Variants in SEPTIN4 observed in about 807,000 individuals in gnomAD.
SEPTIN4 encodes septin-4.
In SEPTIN4, 52 loss-of-function variants were observed where a neutral mutation model predicts 107.1. That is an observed-to-expected ratio of 0.49 (90% CI 0.39 to 0.61). The LOEUF is 0.61. Among genes scored for constraint, SEPTIN4 ranks in the 20% least tolerant of loss-of-function variants. The probability of loss-of-function intolerance (pLI) is 0.00; values close to 1 mark genes in which losing one functional copy is unlikely to be tolerated. For synonymous variants in SEPTIN4, 417 were observed against 467.0 expected, an observed-to-expected ratio of 0.89 and a Z score of 1.38; for missense variants, 1,048 against 1,243.5, an observed-to-expected ratio of 0.84 and a Z score of 2.36.
chr17:58,527,905 A>T, intron 3 of SEPTIN4: 1 of 985,720 alleles, frequency 1.0e-6, no homozygotes, highest in Non-Finnish European at 1.2e-6. Context: ...CAGAGAATGG[A>T]CTGACTCCTC....
rs745969403 is a variant in SEPTIN4 at position 58,543,026 on chromosome 17, T to C, written c.1161A>G (p.Gln387=). The C allele has an allele frequency of 1.9e-6, 3 of 1,611,286 alleles. No homozygotes were observed. Among genetic ancestry groups the C allele is most frequent in the Middle Eastern group, 1.7e-4 (1 of 6,048 alleles). Residue 387 remains glutamine, a synonymous_variant, in exon 1 of 14, where the codon CAA becomes CAG. Transcript: ENST00000672673. ...GTTCTGGATACCTGGGTGTAGGTCCTTGGGACATGTAAGTAATTTCTGGGG... is the reference window on the plus strand; with the variant it reads ...GTTCTGGATACCTGGGTGTAGGTCCCTGGGACATGTAAGTAATTTCTGGGG... The part of the protein sequence containing the change: ...QKPPEITYMS[Q]GPTPRYPELS...
chr17:58,520,397 A>C lies in SEPTIN4; in HGVS notation c.*29T>G. ...CGGCATGGACAGGAAGAAGAGGAGGAGATTTAAATATCCAGGGCTGAAAGC... is the reference window on the plus strand; with the variant it reads ...CGGCATGGACAGGAAGAAGAGGAGGCGATTTAAATATCCAGGGCTGAAAGC... On this transcript the variant is annotated 3_prime_UTR_variant, in exon 14 of 14. Transcript: ENST00000672673. 1 of 1,608,582 alleles carries C rather than the reference A, an allele frequency of 6.2e-7. No homozygotes were observed. Among genetic ancestry groups the C allele is most frequent in the South Asian group, 1.1e-5 (1 of 90,790 alleles).
chr17:58,536,509 A>G (rs985674931), intron 3 of SEPTIN4, among the ~76,000 whole-genome samples: 1 of 152,180 alleles, frequency 6.6e-6, no homozygotes, highest in Non-Finnish European at 1.5e-5. Context: ...CTCCAGCTAG[A>G]CACCATCTCT....
At position 58,543,778 on chromosome 17, in the gene SEPTIN4, T is replaced by C. The variant is rs2043951034; in HGVS notation, c.409A>G (p.Ser137Gly). Residue 137 changes from serine (S) to glycine (G), a missense_variant, in exon 1 of 14, where the codon AGC becomes GGC. Around this residue, in one of 2 missense-constraint regions of SEPTIN4, gnomAD observed 787 missense variants for 871.8 expected, o/e 0.90. Transcript: ENST00000672673. The stretch of plus-strand genomic sequence containing the variant: ...TGGCCGACCTCGCGCCCTGACTTGC[T>C]CTCACTGCCTCTTCGTGCTGCTTCC... The part of the protein sequence containing the change: ...REEAARRGSE[S>G]KSGREVGHHA... 1 of 1,614,110 alleles carries C rather than the reference T, an allele frequency of 6.2e-7. No homozygotes were observed. The highest frequency in any genetic ancestry group is 1.7e-5 in the Admixed American group (1 of 60,008).
intron 13 of SEPTIN4, 90 bp downstream of exon 13, chr17:58,520,653 A>G: frequency 6.4e-7 from 1 of 1,568,084 alleles, no homozygotes; most frequent in Non-Finnish European, 8.8e-7. Context: ...AATATGCACC[A>G]GAGCCAGGGA....
At chr17:58,523,735 G>A (rs1023562541) in intron 7 of SEPTIN4, among the ~76,000 whole-genome samples, 1 of 151,784 alleles carries the variant, frequency 6.6e-6, no homozygotes, top group Non-Finnish European at 1.5e-5. Context: ...TTTTGAACAC[G>A]GGGCCCTACA....
chr17:58,541,570 A>G (rs1598321893), intron 2 of SEPTIN4: 1 of 437,080 alleles, frequency 2.3e-6, no homozygotes, highest in East Asian at 4.0e-5. Flanking sequence ...CGTGAAGTCA[A>G]CTCTGAGCAA....
chr17:58,539,075 A>AT (rs1228329587), intron 3 of SEPTIN4: 2 of 1,393,422 alleles, frequency 1.4e-6, no homozygotes, highest in Admixed American at 2.2e-5. Context: ...TCTCTCATGC[A>AT]TTAGAGAGCA....
rs1237625572 is a variant in SEPTIN4 at position 58,538,392 on chromosome 17, G to A, written c.1614+2274C>T. Among the ~76,000 whole-genome samples the A allele has an allele frequency of 1.3e-5, 2 of 152,208 alleles. No homozygotes were observed. Among genetic ancestry groups the A allele is most frequent in the East Asian group, 3.8e-4 (2 of 5,196 alleles). On this transcript the variant is annotated intron_variant, in intron 3 of 13. Coordinates refer to ENST00000672673, the MANE Select transcript of SEPTIN4 (RefSeq NM_001368771.2). The surrounding 1 kb of genome is among the most constrained non-coding windows in gnomAD (Gnocchi z 4.7). The stretch of plus-strand genomic sequence containing the variant: ...GGTTTCTTGCATAATTGATAGAGCA[G>A]AGAGTAAACCACCTTGCCCTATGAC...
At position 58,521,970 on chromosome 17, in the gene SEPTIN4, T is replaced by C. The variant is rs771202213; in HGVS notation, c.2348A>G (p.His783Arg). ...GAGCCTCAGGCTTGGACCATACCCA[T>C]GGCCGAAGGGTGAGATGAAGTACAG... ...CCLYFISPFG[H>R]GLRPLDVEFM... Residue 783 changes from histidine (H) to arginine (R), a missense_variant, in exon 8 of 14, where the codon CAT (histidine) becomes CGT (arginine). Coordinates refer to ENST00000672673, the MANE Select transcript of SEPTIN4 (RefSeq NM_001368771.2). The surrounding 1 kb of genome is among the most constrained non-coding windows in gnomAD (Gnocchi z 6.4). 7 of 1,614,236 alleles carry C rather than the reference T, an allele frequency of 4.3e-6. No individual in the cohort carries two copies. The South Asian group carries it at 7.7e-5, about 18-fold the overall frequency.
chr17:58,521,560 C>T lies in SEPTIN4; in HGVS notation c.2556G>A (p.Gln852=). ...GTGGCCCCACCTTTAGGGCTTGGTC[C>T]TGCAATTTGAAGTCCTCATCCTCAT... ...DSDEDEDFKL[Q]DQALKESIPF... is the part of the protein sequence containing the mutation. Residue 852 remains glutamine (Q), a synonymous_variant, in exon 10 of 14, where the codon CAG becomes CAA. Coordinates refer to ENST00000672673, the MANE Select transcript of SEPTIN4 (RefSeq NM_001368771.2). This position sits in a 1 kb window ranked among gnomAD's most constrained non-coding sequence, Gnocchi z 6.4. The T allele has an allele frequency of 6.2e-7, 1 of 1,614,200 alleles. No homozygotes were observed. The highest frequency in any genetic ancestry group is 8.5e-7 in the Non-Finnish European group (1 of 1,180,040).
At chr17:58,526,577 C>G in intron 4 of SEPTIN4, 105 bp downstream of exon 4, 1 of 964,534 alleles carries the variant, frequency 1.0e-6, no homozygotes. Flanking sequence ...CACACAAACA[C>G]ACACACACAC....
intron 7 of SEPTIN4, among the ~76,000 whole-genome samples, chr17:58,522,566 G>C (rs2042380690): frequency 1.3e-5 from 2 of 151,080 alleles, no homozygotes; most frequent in African/African-American, 4.9e-5. Flanking sequence ...GGAGTCCGAG[G>C]CAGGAGAATC....
intron 1 of SEPTIN4, 51 bp downstream of exon 1, chr17:58,542,575 C>T: frequency 6.4e-7 from 1 of 1,555,364 alleles, no homozygotes; most frequent in East Asian, 2.2e-5. Context: ...ACCCCAACAT[C>T]CCATCTCACT....
chr17:58,529,207 C>G (rs2043243129), intron 3 of SEPTIN4: 2 of 1,614,070 alleles, frequency 1.2e-6, no homozygotes, highest in East Asian at 2.2e-5. Context: ...TCAGAAAGCT[C>G]TAGGTCTAAT....
At position 58,543,184 on chromosome 17, in the gene SEPTIN4, C is replaced by A. The variant is rs563004214; in HGVS notation, c.1003G>T (p.Val335Phe). ...GACTGTACCCCTGGGGAGATGGTGA[C>A]CCTGCGGCCAACCTCGCTGTTTCCT... ...IRGNSEVGRRVTISPGVQSVE... is the reference protein window; with the variant it reads ...IRGNSEVGRRFTISPGVQSVE... Residue 335 changes from valine (V) to phenylalanine (F), a missense_variant, in exon 1 of 14, where the codon GTC (valine) becomes TTC (phenylalanine). Coordinates refer to ENST00000672673, the MANE Select transcript of SEPTIN4 (RefSeq NM_001368771.2). 62 of 1,614,052 alleles carry A rather than the reference C, an allele frequency of 3.8e-5. No homozygotes were observed. Among genetic ancestry groups the A allele is most frequent in the Middle Eastern group, 1.6e-4 (1 of 6,062 alleles).
rs375258320 is a variant in SEPTIN4, at chr17:58,543,793, G to A, written c.394C>T (p.Arg132Ter). ...CCTGACTTGCTCTCACTGCCTCTTC[G>A]TGCTGCTTCCTCTCTGGGTGGACTA... ...KVSPPREEAARRGSESKSGRE... is the reference protein window; with the variant it reads ...KVSPPREEAA Residue 132 changes from arginine (R) to a stop codon, truncating the protein, a stop_gained, in exon 1 of 14, where the codon CGA becomes TGA. Transcript: ENST00000672673. LOFTEE classifies it high-confidence loss of function. 40 of 1,614,086 alleles carry A rather than the reference G, an allele frequency of 2.5e-5. No homozygotes were observed. Among genetic ancestry groups the A allele is most frequent in the Non-Finnish European group, 3.1e-5 (37 of 1,180,050 alleles).
intron 3 of SEPTIN4, chr17:58,531,771 A>C (rs1272612888): frequency 7.2e-6 from 3 of 414,546 alleles, no homozygotes; most frequent in Non-Finnish European, 3.4e-6. Flanking sequence ...CTCAGAGGGA[A>C]AAACTTGGGA....
At chr17:58,534,415 A>G (rs926562101) in intron 3 of SEPTIN4, among the ~76,000 whole-genome samples, 1 of 152,174 alleles carries the variant, frequency 6.6e-6, no homozygotes, top group Non-Finnish European at 1.5e-5. Flanking sequence ...AGAAGACTGG[A>G]CTTCTCCCAA....
Sources: allele counts gnomAD v4.1 joint callset (sites outside exome capture counted in the v4.1 genomes callset), GRCh38; gene constraint gnomAD v4.1.1; regional missense constraint gnomAD v4.1.1; non-coding constraint Gnocchi (gnomAD v3.1); transcripts MANE v1.5; gene names NCBI Gene and HGNC (gene_info 2026-07-23, HGNC 2026-07-21).